CADM2: variants seen among roughly 807,000 people sequenced by gnomAD.
CADM2 encodes the protein immunoglobulin superfamily member 4D.
In CADM2, 12 loss-of-function variants were observed where a neutral mutation model predicts 49.8. The observed-to-expected ratio is 0.24, with a 90% CI of 0.15 to 0.39. The LOEUF (loss-of-function observed/expected upper bound fraction) is 0.39, where lower values mean the gene tolerates loss of function less well. CADM2 is among the 10% of genes least tolerant of loss of function. The pLI is 1.00. For synonymous variants in CADM2, 214 were observed against 175.4 expected (o/e 1.22, Z -1.74); for missense variants, 378 against 492.3 (o/e 0.77, Z 2.20).
rs1553687218 is a variant in CADM2, at chr3:85,791,717, GTTGT to G, written c.89-10311_89-10308del. ...CATTCCTTGTTGAGTTTTTGTTGTT[GTTGT>G]TTGTTTGTTTGTTTGTTTTTGAGAC... On this transcript the variant is annotated intron_variant, in intron 2 of 9. Transcript: ENST00000383699. Among the ~76,000 whole-genome samples the G allele has an allele frequency of 8.3e-3, 1,262 of 151,970 alleles. 13 individuals are homozygous for G. The highest frequency in any genetic ancestry group is 0.027 in the African/African-American group (1,116 of 41,480).
rs372346093 is a variant in CADM2 at position 85,912,244 on chromosome 3, T to TA, written c.530-125dup. 304 of 648,858 alleles carry TA rather than the reference T, an allele frequency of 4.7e-4. 1 individual carries two copies. The African/African-American group carries it at 5.0e-3, about 11-fold the overall frequency. The allele number at this position is 648,858 out of a possible 1,614,324, so 40.2% of individuals were successfully genotyped here. A position where few individuals can be genotyped will look rare whatever the true frequency, so the allele number is the denominator to read the frequency against. On this transcript the variant is annotated intron_variant, in intron 5 of 9. Transcript: ENST00000383699. The stretch of plus-strand genomic sequence containing the variant: ...AATTGAATTGAAATAGATTAAATGT[T>TA]AAAATCACAAATATTTGCTTCTTAA...
chr3:86,016,628 C>T (rs1331988188), intron 8 of CADM2, among the ~76,000 whole-genome samples: 1 of 151,974 alleles, frequency 6.6e-6, no homozygotes, highest in Non-Finnish European at 1.5e-5. Context: ...TTCAAAGGTG[C>T]GGGGAGGTGG....
intron 8 of CADM2, among the ~76,000 whole-genome samples, chr3:86,038,762 C>G (rs1219536875): frequency 1.3e-5 from 2 of 152,100 alleles, no homozygotes. Flanking sequence ...CTTTTCCAAG[C>G]TTATGAAGTA....
intron 1 of CADM2, among the ~76,000 whole-genome samples, chr3:85,120,533 T>G (rs574415407): frequency 6.6e-6 from 1 of 151,816 alleles, no homozygotes; most frequent in East Asian, 1.9e-4. Context: ...TGCAGGGACA[T>G]GGATGAAGCT....
At chr3:85,666,106 CAGAG>C (rs773845866) in intron 1 of CADM2, among the ~76,000 whole-genome samples, 4 of 151,966 alleles carry the variant, frequency 2.6e-5, no homozygotes, top group Admixed American at 1.3e-4. Context: ...AACAGACAAA[CAGAG>C]AGCCAAATCA....
At chr3:85,668,740 T>A (rs1225537226) in intron 1 of CADM2, among the ~76,000 whole-genome samples, 6 of 152,146 alleles carry the variant, frequency 3.9e-5, no homozygotes, top group African/African-American at 1.4e-4. Flanking sequence ...CTTTCTTTTG[T>A]AAATTGCCCA....
intron 8 of CADM2, among the ~76,000 whole-genome samples, chr3:86,036,578 G>T (rs779779591): frequency 2.0e-5 from 3 of 152,140 alleles, no homozygotes; most frequent in Admixed American, 2.0e-4. Context: ...AGGACCTCCA[G>T]GACTCCAAAT....
At chr3:85,333,646 G>T (rs2044999043) in intron 1 of CADM2, among the ~76,000 whole-genome samples, 1 of 151,940 alleles carries the variant, frequency 6.6e-6, no homozygotes, top group South Asian at 2.1e-4. Context: ...TCTTGCTGCA[G>T]TTTTGCAATT....
Position 85,365,132 on chromosome 3 carries a change from TA to T in CADM2, c.62-361383del, listed in dbSNP as rs542727204. On this transcript the variant is annotated intron_variant, in intron 1 of 9. Coordinates refer to ENST00000383699, the MANE Select transcript of CADM2 (RefSeq NM_001167675.2). ...TTTGTATGATGAAGGTTTTTCTATT[TA>T]AAAAAATTATACTACCTAGACATTC... 4.0e-5 allele frequency among the ~76,000 whole-genome samples: 6 copies of T among 150,372 alleles called. No individual in the cohort carries two copies. The South Asian group carries it at 6.3e-4, about 16-fold the overall frequency.
intron 1 of CADM2, among the ~76,000 whole-genome samples, chr3:85,084,045 G>A (rs146487521): frequency 4.6e-5 from 7 of 152,214 alleles, no homozygotes; most frequent in African/African-American, 7.2e-5. Flanking sequence ...CAACTCTTGC[G>A]TTGTCAGTTC....
intron 1 of CADM2, among the ~76,000 whole-genome samples, chr3:85,368,230 A>G (rs1047021428): frequency 6.6e-6 from 1 of 152,030 alleles, no homozygotes; most frequent in Admixed American, 6.6e-5. Flanking sequence ...CAACCTTGAT[A>G]GAGAGACATT....
intron 1 of CADM2, among the ~76,000 whole-genome samples, chr3:85,118,657 C>A (rs1166601216): frequency 6.6e-6 from 1 of 152,142 alleles, no homozygotes; most frequent in Non-Finnish European, 1.5e-5. Flanking sequence ...CAATTCAAGA[C>A]AAGATTTGGG....
chr3:86,052,231 A>G (rs1737427800), intron 8 of CADM2, among the ~76,000 whole-genome samples: 1 of 152,206 alleles, frequency 6.6e-6, no homozygotes, highest in Non-Finnish European at 1.5e-5. Context: ...TGAAAAACAC[A>G]GTCTGTACCT....
At chr3:85,761,544 T>C (rs1305706225) in intron 2 of CADM2, among the ~76,000 whole-genome samples, 2 of 151,400 alleles carry the variant, frequency 1.3e-5, no homozygotes, top group African/African-American at 4.9e-5. Flanking sequence ...GCCCAGCTAA[T>C]TTTTGTATTT....
intron 2 of CADM2, among the ~76,000 whole-genome samples, chr3:85,786,801 A>C (rs903458431): frequency 6.6e-6 from 1 of 152,044 alleles, no homozygotes; most frequent in East Asian, 1.9e-4. Context: ...TCTCACATTC[A>C]TATATCAATG....
At chr3:86,049,120 G>A (rs970141063) in intron 8 of CADM2, among the ~76,000 whole-genome samples, 1 of 152,014 alleles carries the variant, frequency 6.6e-6, no homozygotes, top group Admixed American at 6.5e-5. Context: ...GTTAAAAACA[G>A]TTATGATTCA....
chr3:84,976,414 A>C (rs1177947126), intron 1 of CADM2, among the ~76,000 whole-genome samples: 1 of 127,990 alleles, frequency 7.8e-6, no homozygotes, highest in African/African-American at 2.8e-5. Flanking sequence ...AAATAAATTA[A>C]ATAAAGCATA....
At chr3:85,704,786 A>C (rs2066886603) in intron 1 of CADM2, among the ~76,000 whole-genome samples, 1 of 151,990 alleles carries the variant, frequency 6.6e-6, no homozygotes, top group Non-Finnish European at 1.5e-5. Context: ...TATACCATTA[A>C]AAAATCAATC....
intron 1 of CADM2, among the ~76,000 whole-genome samples, chr3:85,147,075 C>A (rs933510043): frequency 1.3e-5 from 2 of 151,920 alleles, no homozygotes; most frequent in African/African-American, 2.4e-5. Flanking sequence ...GAGGTCAAGA[C>A]CATCCTGGCT....
Sources: allele counts gnomAD v4.1 joint callset (sites outside exome capture counted in the v4.1 genomes callset), GRCh38; gene constraint gnomAD v4.1.1; transcripts MANE v1.5; gene names NCBI Gene and HGNC (gene_info 2026-07-23, HGNC 2026-07-21).